LMO7: variants seen among roughly 807,000 people sequenced by gnomAD.
LMO7 encodes the protein LIM domain 7, also known as LIM domain only protein 7.
In LMO7, 120 loss-of-function variants were observed where a neutral mutation model predicts 206.5. The ratio of observed to expected loss-of-function variants is 0.58; its 90% CI spans 0.50 to 0.68. LMO7 has a LOEUF of 0.68. LMO7 is among the 30% of genes least tolerant of loss of function. The pLI, the probability that LMO7 is intolerant of heterozygous loss-of-function variation, is 0.00. For missense variants in LMO7, 1,959 were observed against 1,957.9 expected, an observed-to-expected ratio of 1.00 and a Z score of -0.01; for synonymous variants, 706 against 681.5, an observed-to-expected ratio of 1.04 and a Z score of -0.56.
chr13:75,658,150 G>T (rs1240672840), intron 1 of LMO7, among the ~76,000 whole-genome samples: 1 of 151,552 alleles, frequency 6.6e-6, no homozygotes, highest in Non-Finnish European at 1.5e-5. Context: ...ATATGTCAAG[G>T]TCCTTATACA....
chr13:75,692,744 C>A (rs2041595158), intron 1 of LMO7, among the ~76,000 whole-genome samples: 1 of 152,124 alleles, frequency 6.6e-6, no homozygotes. Flanking sequence ...CACTTCATAC[C>A]AGTTATCGAA....
intron 2 of LMO7, among the ~76,000 whole-genome samples, chr13:75,723,551 TTAGAAA>T (rs1397131774): frequency 6.6e-6 from 1 of 152,198 alleles, no homozygotes; most frequent in Non-Finnish European, 1.5e-5. Context: ...CTGGACACTA[TTAGAAA>T]TAGAGCATCA....
chr13:75,649,866 G>T (rs890646367), intron 1 of LMO7, among the ~76,000 whole-genome samples: 27 of 152,196 alleles, frequency 1.8e-4, no homozygotes, highest in African/African-American at 6.3e-4. Context: ...AGAAACACTT[G>T]ATCCACTGAA....
intron 1 of LMO7, among the ~76,000 whole-genome samples, chr13:75,687,306 G>A (rs893056239): frequency 6.6e-6 from 1 of 152,136 alleles, no homozygotes; most frequent in Non-Finnish European, 1.5e-5. Flanking sequence ...AATACAGGAT[G>A]GGTAAGTTTT....
At position 75,713,410 on chromosome 13, in the gene LMO7, C is replaced by T. The variant is rs563333081; in HGVS notation, c.140+158C>T. On this transcript the variant is annotated intron_variant, in intron 2 of 30. Coordinates refer to ENST00000377534, the MANE Select transcript of LMO7 (RefSeq NM_001306080.2). ...CCCTGCAAATTGATACCTCACAATACGAGACAGTAGGAAGAAGGGGTTATC... is the reference window on the plus strand; with the variant it reads ...CCCTGCAAATTGATACCTCACAATATGAGACAGTAGGAAGAAGGGGTTATC... Among the ~76,000 whole-genome samples the T allele has an allele frequency of 3.2e-4, 48 of 152,174 alleles. 1 individual carries two copies. Among genetic ancestry groups the T allele is most frequent in the Admixed American group, 9.8e-4 (15 of 15,284 alleles).
At chr13:75,834,430 C>G (rs1480650204) in intron 17 of LMO7, 43 bp downstream of exon 17, 5 of 1,448,390 alleles carry the variant, frequency 3.5e-6, no homozygotes, top group Non-Finnish European at 4.6e-6. Flanking sequence ...GAAACTGGGA[C>G]CTGGCCGTTG....
chr13:75,829,992 T>C (rs2058507173), intron 15 of LMO7, among the ~76,000 whole-genome samples: 1 of 152,156 alleles, frequency 6.6e-6, no homozygotes, highest in African/African-American at 2.4e-5. Context: ...ACCACTTGGA[T>C]AGTTCATTAT....
At chr13:75,781,233 C>T (rs1216931804) in intron 4 of LMO7, among the ~76,000 whole-genome samples, 7 of 145,820 alleles carry the variant, frequency 4.8e-5, no homozygotes, top group South Asian at 2.2e-4. Flanking sequence ...CCCACTAACT[C>T]GTCATCTAGC....
intron 1 of LMO7, among the ~76,000 whole-genome samples, chr13:75,691,781 C>T (rs2041497286): frequency 6.6e-6 from 1 of 152,010 alleles, no homozygotes; most frequent in Admixed American, 6.6e-5. Flanking sequence ...TCCAACATCC[C>T]TCCTCCTCAT....
intron 28 of LMO7, among the ~76,000 whole-genome samples, chr13:75,854,000 G>T (rs902022916): frequency 1.3e-5 from 2 of 152,196 alleles, no homozygotes; most frequent in South Asian, 2.1e-4. Flanking sequence ...GCTGGATTCG[G>T]TGGGGAATAT....
intron 1 of LMO7, among the ~76,000 whole-genome samples, chr13:75,712,949 C>T (rs1226172625): frequency 6.6e-6 from 1 of 152,084 alleles, no homozygotes; most frequent in Non-Finnish European, 1.5e-5. Flanking sequence ...TGAAAACACT[C>T]ATTGTAATTT....
At chr13:75,650,119 G>A (rs2037412963) in intron 1 of LMO7, among the ~76,000 whole-genome samples, 2 of 151,918 alleles carry the variant, frequency 1.3e-5, no homozygotes, top group Non-Finnish European at 2.9e-5. Context: ...TACTGTGCCT[G>A]GCCACATTTT....
intron 3 of LMO7, among the ~76,000 whole-genome samples, chr13:75,751,709 T>A (rs1402341183): frequency 6.6e-6 from 1 of 152,208 alleles, no homozygotes; most frequent in Non-Finnish European, 1.5e-5. Context: ...TTTATTAACC[T>A]TGTCTCTATT....
chr13:75,807,627 C>T lies in LMO7; in HGVS notation c.1344C>T (p.Asp448=). 1 of 1,613,938 alleles carries T rather than the reference C, an allele frequency of 6.2e-7. No individual in the cohort carries two copies. Among genetic ancestry groups the T allele is most frequent in the Non-Finnish European group, 8.5e-7 (1 of 1,179,872 alleles). The change falls in exon 10 of 31, where the codon GAC becomes GAT. Residue 448 remains aspartate (D), a synonymous_variant. Transcript: ENST00000377534. ...ATGCACCAGGCTATAGAAGAGATGA[C>T]CTCGAGATGGCAGCCCTGGATCCTG... is the stretch of plus-strand genomic sequence containing the variant. ...LSYAPGYRRD[D]LEMAALDPDL... is the part of the protein sequence containing the mutation.
chr13:75,721,980 G>A (rs754148027), intron 2 of LMO7, among the ~76,000 whole-genome samples: 15 of 152,184 alleles, frequency 9.9e-5, no homozygotes, highest in Non-Finnish European at 2.1e-4. Flanking sequence ...TCAACAAATG[G>A]TGTTGGGATA....
chr13:75,721,898 A>G (rs898421403), intron 2 of LMO7, among the ~76,000 whole-genome samples: 7 of 152,360 alleles, frequency 4.6e-5, no homozygotes, highest in Admixed American at 2.6e-4. Context: ...CCAGAAATAA[A>G]GCCAAGTATT....
At chr13:75,777,881 G>A (rs1247895903) in intron 4 of LMO7, among the ~76,000 whole-genome samples, 1 of 152,000 alleles carries the variant, frequency 6.6e-6, no homozygotes, top group African/African-American at 2.4e-5. Context: ...TCCTGACCTC[G>A]TGATCCGCCC....
At chr13:75,657,829 CT>C (rs1298540322) in intron 1 of LMO7, among the ~76,000 whole-genome samples, 1 of 152,112 alleles carries the variant, frequency 6.6e-6, no homozygotes, top group South Asian at 2.1e-4. Flanking sequence ...CTATTTATTA[CT>C]TTTGTTCTAT....
Position 75,805,695 on chromosome 13 carries a change from T to G in LMO7, c.1131T>G (p.Asp377Glu), listed in dbSNP as rs1235399905. 1 of 1,614,018 alleles carries G rather than the reference T, an allele frequency of 6.2e-7. No individual in the cohort carries two copies. The highest frequency in any genetic ancestry group is 8.5e-7 in the Non-Finnish European group (1 of 1,179,870). The change falls in exon 9 of 31, where the codon GAT (aspartate) becomes GAG (glutamate). Residue 377 changes from aspartate to glutamate, a missense_variant. Coordinates refer to ENST00000377534, the MANE Select transcript of LMO7 (RefSeq NM_001306080.2). The part of the protein sequence containing the change: ...QFLPKCWTPE[D>E]VNWKRIKRET... ...TTCCCAAATGTTGGACCCCAGAAGA[T>G]GTGAACTGGAAAAGAATAAAAAGGG...
Sources: gnomAD v4.1 joint callset for allele counts (sites outside exome capture counted in the v4.1 genomes callset) on GRCh38, gnomAD v4.1.1 for gene constraint, MANE v1.5 for transcripts, NCBI Gene and HGNC (gene_info 2026-07-23, HGNC 2026-07-21) for gene names.